PDZRN4: variants seen among roughly 807,000 people sequenced by gnomAD.
The protein encoded by PDZRN4 is PDZ domain-containing RING finger protein 4.
A neutral mutation model predicts 99.0 loss-of-function variants in PDZRN4; 70 were observed. The ratio of observed to expected loss-of-function variants is 0.71; its 90% CI spans 0.58 to 0.86. The LOEUF (loss-of-function observed/expected upper bound fraction) is 0.86, where lower values mean the gene tolerates loss of function less well. Ranked by LOEUF, PDZRN4 falls within the 40% of genes least tolerant of loss-of-function variation. The pLI is 0.00. For synonymous variants in PDZRN4, 551 were observed against 501.6 expected, an observed-to-expected ratio of 1.10 and a Z score of -1.32; for missense variants, 1,474 against 1,331.2, an observed-to-expected ratio of 1.11 and a Z score of -1.67.
chr12:41,219,055 A>T (rs1397567175), intron 3 of PDZRN4, among the ~76,000 whole-genome samples: 1 of 152,110 alleles, frequency 6.6e-6, no homozygotes, highest in Non-Finnish European at 1.5e-5. Flanking sequence ...ATAATAACGT[A>T]GAGACTTAAG....
At chr12:41,476,118 A>C (rs538227521) in intron 3 of PDZRN4, among the ~76,000 whole-genome samples, 2 of 152,324 alleles carry the variant, frequency 1.3e-5, no homozygotes, top group South Asian at 2.1e-4. Context: ...CTCTGAAGTT[A>C]GTCTTTTAGT....
chr12:41,297,257 G>GA (rs1383962915), intron 3 of PDZRN4, among the ~76,000 whole-genome samples: 1 of 151,872 alleles, frequency 6.6e-6, no homozygotes, highest in African/African-American at 2.4e-5. Flanking sequence ...GGAATGTAAG[G>GA]AAAAAAACAT....
intron 3 of PDZRN4, among the ~76,000 whole-genome samples, chr12:41,235,898 C>A (rs150775608): frequency 7.4e-4 from 113 of 152,248 alleles, no homozygotes; most frequent in African/African-American, 2.6e-3. Flanking sequence ...AAATGTATAA[C>A]ACTCATTTTT....
At chr12:41,224,482 A>G (rs1950980149) in intron 3 of PDZRN4, among the ~76,000 whole-genome samples, 1 of 152,186 alleles carries the variant, frequency 6.6e-6, no homozygotes, top group South Asian at 2.1e-4. Context: ...TGTGCATGAC[A>G]CTTGATAAAC....
intron 3 of PDZRN4, among the ~76,000 whole-genome samples, chr12:41,297,820 A>G (rs1418812409): frequency 6.6e-6 from 1 of 152,186 alleles, no homozygotes; most frequent in African/African-American, 2.4e-5. Context: ...ACAAAAAATT[A>G]ACCAAACTGA....
intron 3 of PDZRN4, among the ~76,000 whole-genome samples, chr12:41,270,876 G>A (rs983334505): frequency 2.6e-5 from 4 of 152,054 alleles, no homozygotes; most frequent in Non-Finnish European, 5.9e-5. Context: ...ATATTTTAAT[G>A]AGAAGTGCTC....
chr12:41,385,105 T>TG (rs1256202512), intron 3 of PDZRN4, among the ~76,000 whole-genome samples: 1 of 152,138 alleles, frequency 6.6e-6, no homozygotes, highest in African/African-American at 2.4e-5. Context: ...ATATTTCTAG[T>TG]GGGGAGAGAC....
chr12:41,223,849 G>A (rs1416613079), intron 3 of PDZRN4, among the ~76,000 whole-genome samples: 1 of 152,212 alleles, frequency 6.6e-6, no homozygotes, highest in Non-Finnish European at 1.5e-5. Context: ...AAATAAGGCT[G>A]CAGCCCCTTT....
intron 3 of PDZRN4, among the ~76,000 whole-genome samples, chr12:41,422,845 G>T (rs1326813382): frequency 6.6e-6 from 1 of 151,944 alleles, no homozygotes; most frequent in East Asian, 1.9e-4. Context: ...TTAGTAATAT[G>T]TGTGTGTGTG....
In PDZRN4 at chr12:41,324,905, A is replaced by G. The variant is rs188038423; in HGVS notation, c.843+130717A>G. Among the ~76,000 whole-genome samples the G allele has an allele frequency of 2.1e-3, 314 of 152,240 alleles. 2 individuals carry two copies. Among genetic ancestry groups the G allele is most frequent in the South Asian group, 0.012 (57 of 4,828 alleles). On this transcript the variant is annotated intron_variant, in intron 3 of 9. Transcript: ENST00000402685. Reference sequence around the variant, plus strand: ...GAATTAACTCCAACTGTTCCCTGCTACTTTTTAAAAAGGTAGACACTAGGA... The same window carrying G: ...GAATTAACTCCAACTGTTCCCTGCTGCTTTTTAAAAAGGTAGACACTAGGA...
chr12:41,271,921 T>G (rs1307725797), intron 3 of PDZRN4, among the ~76,000 whole-genome samples: 3 of 152,116 alleles, frequency 2.0e-5, no homozygotes, highest in Non-Finnish European at 1.5e-5. Context: ...GTTTTCATTA[T>G]TTTGATCTCA....
chr12:41,386,726 A>T (rs1952173047), intron 3 of PDZRN4, among the ~76,000 whole-genome samples: 1 of 152,212 alleles, frequency 6.6e-6, no homozygotes. Flanking sequence ...TTGAAACTAT[A>T]CCACAGGGAT....
chr12:41,500,742 G>GA (rs1327342189), intron 3 of PDZRN4, among the ~76,000 whole-genome samples: 2 of 151,504 alleles, frequency 1.3e-5, no homozygotes, highest in East Asian at 1.9e-4. Context: ...AAAGTTTAGG[G>GA]AAAAAAAAGC....
chr12:41,492,429 A>G (rs190300077), intron 3 of PDZRN4, among the ~76,000 whole-genome samples: 1 of 152,274 alleles, frequency 6.6e-6, no homozygotes, highest in Admixed American at 6.5e-5. Flanking sequence ...ATACCTTAAG[A>G]GCAGAGAAGA....
At chr12:41,398,546 G>A (rs1296452915) in intron 3 of PDZRN4, among the ~76,000 whole-genome samples, 1 of 152,152 alleles carries the variant, frequency 6.6e-6, no homozygotes, top group South Asian at 2.1e-4. Context: ...GATTCATGGT[G>A]ATATATTTAG....
chr12:41,524,782 C>T (rs1938544778), intron 5 of PDZRN4, among the ~76,000 whole-genome samples: 1 of 151,392 alleles, frequency 6.6e-6, no homozygotes, highest in Non-Finnish European at 1.5e-5. Context: ...ACTTTGGCTG[C>T]CTTTTGGCGA....
intron 3 of PDZRN4, among the ~76,000 whole-genome samples, chr12:41,501,031 C>G (rs1475866080): frequency 5.9e-5 from 9 of 152,130 alleles, no homozygotes; most frequent in Admixed American, 1.3e-4. Context: ...TAACCAGGTA[C>G]AGGATCATGT....
chr12:41,493,165 T>A (rs1937922711), intron 3 of PDZRN4, among the ~76,000 whole-genome samples: 1 of 152,194 alleles, frequency 6.6e-6, no homozygotes, highest in South Asian at 2.1e-4. Context: ...ACTGAAGTTA[T>A]CTCTGCAGTG....
At chr12:41,395,752 A>G (rs1470262337) in intron 3 of PDZRN4, among the ~76,000 whole-genome samples, 1 of 152,110 alleles carries the variant, frequency 6.6e-6, no homozygotes, top group Non-Finnish European at 1.5e-5. Flanking sequence ...TTTTTCTAGA[A>G]GTTTTATTGT....
Sources: gnomAD v4.1 joint callset for allele counts (sites outside exome capture counted in the v4.1 genomes callset) on GRCh38, gnomAD v4.1.1 for gene constraint, MANE v1.5 for transcripts, NCBI Gene and HGNC (gene_info 2026-07-23, HGNC 2026-07-21) for gene names.